The following ZNF385C variants were observed in gnomAD, a reference collection of about 807,000 sequenced individuals.
ZNF385C encodes the protein CTD-2132N18.2.
A neutral mutation model predicts 35.4 loss-of-function variants in ZNF385C; 28 were observed. The ratio of observed to expected loss-of-function variants is 0.79; its 90% CI spans 0.59 to 1.08. ZNF385C has a LOEUF of 1.08. ZNF385C is among the 50% of genes least tolerant of loss of function. The pLI is 0.00. For synonymous variants in ZNF385C, 248 were observed against 248.2 expected, an observed-to-expected ratio of 1.00 and a Z score of 0.01; for missense variants, 605 against 595.6, an observed-to-expected ratio of 1.02 and a Z score of -0.16.
intron 1 of ZNF385C, among the ~76,000 whole-genome samples, chr17:42,084,639 C>T (rs976896207): frequency 3.3e-5 from 5 of 152,012 alleles, no homozygotes; most frequent in Admixed American, 1.3e-4. Flanking sequence ...GAGACAGGGT[C>T]TCACTCTGTT....
intron 1 of ZNF385C, among the ~76,000 whole-genome samples, chr17:42,091,456 G>A (rs782583110): frequency 6.6e-6 from 1 of 152,122 alleles, no homozygotes; most frequent in African/African-American, 2.4e-5. Flanking sequence ...AAACAAAAAA[G>A]AAAAGAGGAT....
chr17:42,049,454 C>A (rs1258108271), intron 2 of ZNF385C, among the ~76,000 whole-genome samples: 2 of 152,210 alleles, frequency 1.3e-5, no homozygotes, highest in African/African-American at 4.8e-5. Context: ...GTGCCTGACA[C>A]CCAGCAAGTG....
In ZNF385C at chr17:42,072,623, C is replaced by G. The variant is rs573081023; in HGVS notation, c.-2-9565G>C. On this transcript the variant is annotated intron_variant, in intron 1 of 8. Coordinates refer to ENST00000692273, the MANE Select transcript of ZNF385C (RefSeq NM_001392013.1). Reference sequence around the variant, plus strand: ...CCGCTCGCGGCCACCCGGGGCGGTCCTGAGTCGCAGCTCCCGGCCCCGCGC... The same window carrying G: ...CCGCTCGCGGCCACCCGGGGCGGTCGTGAGTCGCAGCTCCCGGCCCCGCGC... 3.0e-3 allele frequency among the ~76,000 whole-genome samples: 459 copies of G among 152,116 alleles called. 1 individual carries two copies. The highest frequency in any genetic ancestry group is 0.011 in the African/African-American group (442 of 41,534).
rs1396775609 is a variant in ZNF385C, at chr17:42,026,645, A to G, written c.*252T>C. The G allele has an allele frequency of 5.4e-6, 3 of 556,194 alleles. No individual in the cohort carries two copies. Among genetic ancestry groups the G allele is most frequent in the Admixed American group, 6.3e-5 (2 of 31,622 alleles). The allele number at this position is 556,194 out of a possible 1,614,324, so 34.5% of individuals were successfully genotyped here. ...CACATGGCTGGGGCTGAGATTTTGC[A>G]TAGATCTTTGGGGTCTGTCAGGGTG... On this transcript the variant is annotated 3_prime_UTR_variant, in exon 9 of 9. Transcript: ENST00000692273.
rs577441925 is a variant in ZNF385C, at chr17:42,031,736, T to C, written c.559A>G (p.Lys187Glu). 1.2e-4 allele frequency: 181 copies of C among 1,550,588 alleles called. No homozygotes were observed. In the East Asian group the frequency reaches 4.4e-3, roughly 37 times the overall value. Residue 187 changes from lysine (K) to glutamate (E), a missense_variant, in exon 5 of 9, where the codon AAG (lysine) becomes GAG (glutamate). Transcript: ENST00000692273. ...YKGHKHARKL[K>E]AVEAAKSKQR... The stretch of plus-strand genomic sequence containing the variant: ...TTGCTCTTGGCAGCCTCGACAGCCT[T>C]GAGTTTTCTGGCGTGTTTGTGGCCT...
At chr17:42,088,108 G>A (rs535792545) in intron 1 of ZNF385C, among the ~76,000 whole-genome samples, 1 of 152,328 alleles carries the variant, frequency 6.6e-6, no homozygotes, top group Non-Finnish European at 1.5e-5. Flanking sequence ...TTTGCAAAGT[G>A]TTTAGCAACC....
intron 1 of ZNF385C, among the ~76,000 whole-genome samples, chr17:42,090,325 C>T (rs1452895758): frequency 7.8e-6 from 1 of 128,092 alleles, no homozygotes; most frequent in East Asian, 2.4e-4. Flanking sequence ...CTCGTTCTGT[C>T]GCCCAGGCTG....
chr17:42,091,878 G>C (rs1305256563), intron 1 of ZNF385C, among the ~76,000 whole-genome samples: 3 of 152,184 alleles, frequency 2.0e-5, no homozygotes, highest in African/African-American at 7.2e-5. Context: ...GGGACCAGGA[G>C]TCTTGGTGTG....
At chr17:42,098,195 G>C (rs1364947399) in intron 1 of ZNF385C, among the ~76,000 whole-genome samples, 1 of 152,232 alleles carries the variant, frequency 6.6e-6, no homozygotes, top group Non-Finnish European at 1.5e-5. Flanking sequence ...TGGCATCAGG[G>C]ATAACCAGCC....
chr17:42,066,969 T>C lies in ZNF385C; in HGVS notation c.-2-3911A>G, dbSNP rs144776211. Reference sequence around the variant, plus strand: ...CTGTAATCCCAGGTACTCAGGAGGCTGAGGCAAGAGAATTGCTTGAACCTG... The same window carrying C: ...CTGTAATCCCAGGTACTCAGGAGGCCGAGGCAAGAGAATTGCTTGAACCTG... On this transcript the variant is annotated intron_variant, in intron 1 of 8. Transcript: ENST00000692273. 6.6e-3 allele frequency among the ~76,000 whole-genome samples: 1,011 copies of C among 152,048 alleles called. 6 individuals are homozygous for C. The highest frequency in any genetic ancestry group is 9.9e-3 in the Non-Finnish European group (673 of 67,990).
chr17:42,091,570 A>AAT (rs1317047597), intron 1 of ZNF385C, among the ~76,000 whole-genome samples: 2 of 152,094 alleles, frequency 1.3e-5, no homozygotes, highest in Non-Finnish European at 2.9e-5. Context: ...CATCTAGGCC[A>AAT]CCTTCTTGGG....
At chr17:42,084,485 T>A (rs2053784590) in intron 1 of ZNF385C, among the ~76,000 whole-genome samples, 1 of 152,170 alleles carries the variant, frequency 6.6e-6, no homozygotes, top group African/African-American at 2.4e-5. Context: ...AATAGACATA[T>A]AAAAGACATC....
rs1195968702 is a variant in ZNF385C at position 42,042,742 on chromosome 17, T to A, written c.251-4857A>T. 4 of 970,312 alleles carry A rather than the reference T, an allele frequency of 4.1e-6. No individual in the cohort carries two copies. The Admixed American group carries it at 1.7e-4, about 42-fold the overall frequency. The allele number at this position is 970,312 out of a possible 1,614,324, so 60.1% of individuals were successfully genotyped here. A position where few individuals can be genotyped will look rare whatever the true frequency, so the allele number is the denominator to read the frequency against. ...GATATGAATGAAATGCCCTAGCTGCTCCCCAAGGAGCTGGCATGCTGGGGC... is the reference window on the plus strand; with the variant it reads ...GATATGAATGAAATGCCCTAGCTGCACCCCAAGGAGCTGGCATGCTGGGGC... On this transcript the variant is annotated intron_variant, in intron 2 of 8. Transcript: ENST00000692273.
intron 1 of ZNF385C, among the ~76,000 whole-genome samples, chr17:42,076,508 G>A (rs2053687145): frequency 6.6e-6 from 1 of 152,166 alleles, no homozygotes; most frequent in Non-Finnish European, 1.5e-5. Context: ...TGTAGTCCCA[G>A]CTACTCAGGA....
chr17:42,096,900 A>G (rs1022349279), intron 1 of ZNF385C, among the ~76,000 whole-genome samples: 5 of 150,970 alleles, frequency 3.3e-5, no homozygotes, highest in Non-Finnish European at 3.0e-5. Flanking sequence ...CCAGAGATCC[A>G]GGAACCAGCA....
At chr17:42,039,944 A>G (rs935766100) in intron 2 of ZNF385C, 5 of 1,231,156 alleles carry the variant, frequency 4.1e-6, no homozygotes, top group Non-Finnish European at 4.1e-6. Flanking sequence ...AGGGCGGCGA[A>G]GTCGGGGAAG....
intron 2 of ZNF385C, among the ~76,000 whole-genome samples, chr17:42,051,347 C>T (rs1250007234): frequency 6.6e-6 from 1 of 152,044 alleles, no homozygotes; most frequent in Non-Finnish European, 1.5e-5. Context: ...CTCTGATACA[C>T]AGCCGACCCT....
intron 2 of ZNF385C, among the ~76,000 whole-genome samples, chr17:42,057,787 T>C (rs570411426): frequency 9.2e-5 from 14 of 151,978 alleles, no homozygotes; most frequent in African/African-American, 3.1e-4. Flanking sequence ...CTACTAAAAA[T>C]ACAATATTAG....
At chr17:42,073,931 C>T (rs1399707907) in intron 1 of ZNF385C, among the ~76,000 whole-genome samples, 1 of 150,798 alleles carries the variant, frequency 6.6e-6, no homozygotes, top group Non-Finnish European at 1.5e-5. Flanking sequence ...ACGGTGCCAC[C>T]AAGTCTCCTA....
Sources: gnomAD v4.1 joint callset for allele counts (sites outside exome capture counted in the v4.1 genomes callset) on GRCh38, gnomAD v4.1.1 for gene constraint, MANE v1.5 for transcripts, NCBI Gene and HGNC (gene_info 2026-07-23, HGNC 2026-07-21) for gene names.